ANKS3: variants seen among roughly 807,000 people sequenced by gnomAD.
The protein encoded by ANKS3 is ankyrin repeat and sterile alpha motif domain containing 3.
In ANKS3, 62 loss-of-function variants were observed where a neutral mutation model predicts 80.7. That is an observed-to-expected ratio of 0.77 (90% CI 0.63 to 0.95). The LOEUF (loss-of-function observed/expected upper bound fraction) is 0.95. Among genes scored for constraint, ANKS3 ranks in the 40% least tolerant of loss-of-function variants. The pLI, the probability that ANKS3 is intolerant of heterozygous loss-of-function variation, is 0.00. For missense variants in ANKS3, 1,150 were observed against 883.6 expected (o/e 1.30, Z -3.82); for synonymous variants, 489 against 355.3 (o/e 1.38, Z -4.23).
chr16:4,701,564 C>T (rs753667520), intron 9 of ANKS3, 21 bp from the exon 10 acceptor site: 11 of 1,593,082 alleles, frequency 6.9e-6, no homozygotes, highest in South Asian at 3.3e-5. Context: ...GAAGACAGGG[C>T]GTCCGCCTGC....
intron 15 of ANKS3, among the ~76,000 whole-genome samples, chr16:4,697,653 C>T (rs905815579): frequency 2.0e-5 from 3 of 152,232 alleles, no homozygotes; most frequent in East Asian, 1.9e-4. Context: ...AAAGCTCTGC[C>T]GGTGGGGACC....
chr16:4,709,128 CG>C (rs771549086), intron 7 of ANKS3, among the ~76,000 whole-genome samples: 6 of 151,228 alleles, frequency 4.0e-5, no homozygotes, highest in Non-Finnish European at 5.9e-5. Context: ...AAATTTTTGC[CG>C]GGTGCAGCGG....
intron 10 of ANKS3, 100 bp downstream of exon 10, chr16:4,701,334 G>A: frequency 1.5e-6 from 2 of 1,347,794 alleles, no homozygotes; most frequent in Non-Finnish European, 2.0e-6. Context: ...ACGTGCAGCA[G>A]CTGCTTCTTA....
intron 5 of ANKS3, 61 bp downstream of exon 5, chr16:4,726,598 C>A: frequency 1.6e-5 from 25 of 1,571,488 alleles, no homozygotes; most frequent in Non-Finnish European, 2.1e-5. Flanking sequence ...CCAGAGCCAC[C>A]CTCCTTAGAG....
intron 7 of ANKS3, among the ~76,000 whole-genome samples, chr16:4,709,532 G>C (rs1219487679): frequency 1.3e-5 from 2 of 152,166 alleles, no homozygotes; most frequent in Non-Finnish European, 2.9e-5. Context: ...TACTGCCGCA[G>C]TATTCACAGT....
At position 4,721,625 on chromosome 16, in the gene ANKS3, G is replaced by GATTTATTTATTTATTT. The variant is rs55661418; in HGVS notation, c.573+3109_573+3124dup. On this transcript the variant is annotated intron_variant, in intron 6 of 17. Transcript: ENST00000304283. ...GACCCCATCTCTTTATTGATTTATT[G>GATTTATTTATTTATTT]ATTTATTTATTTATTTATTTATTTA... Among the ~76,000 whole-genome samples the GATTTATTTATTTATTT allele has an allele frequency of 2.8e-4, 40 of 145,406 alleles. 1 individual carries two copies. The highest frequency in any genetic ancestry group is 1.2e-4 in the Non-Finnish European group (8 of 65,972).
At chr16:4,702,917 C>T (rs1011253238) in intron 8 of ANKS3, among the ~76,000 whole-genome samples, 4 of 152,186 alleles carry the variant, frequency 2.6e-5, no homozygotes, top group Admixed American at 6.5e-5. Context: ...ACAGGAGGAT[C>T]GCTTGAGCTC....
intron 8 of ANKS3, among the ~76,000 whole-genome samples, chr16:4,703,646 CTT>C (rs1372000007): frequency 6.6e-6 from 1 of 150,574 alleles, no homozygotes; most frequent in Non-Finnish European, 1.5e-5. Context: ...GTCTGGATCT[CTT>C]GATCCACCTG....
At chr16:4,724,439 C>G (rs1256659518) in intron 6 of ANKS3, among the ~76,000 whole-genome samples, 2 of 152,228 alleles carry the variant, frequency 1.3e-5, no homozygotes, top group East Asian at 3.9e-4. Flanking sequence ...GGATCTCTGC[C>G]TTCTTATTCT....
Position 4,702,198 on chromosome 16 carries a change from C to T in ANKS3, c.913G>A (p.Glu305Lys), listed in dbSNP as rs200063628. Residue 305 changes from glutamate to lysine, a missense_variant, in exon 9 of 18, where the codon GAG becomes AAG. Transcript: ENST00000304283. ...AGGCCCTCTTCTTCCAGGGGGTTCT[C>T]GCCACTGCTGTTGAAGGTGACATAG... The part of the protein sequence containing the change: ...RGYVTFNSSG[E>K]NPLEEEGLCC... 1.6e-5 allele frequency: 25 copies of T among 1,591,746 alleles called. No individual in the cohort carries two copies. Among genetic ancestry groups the T allele is most frequent in the Non-Finnish European group, 2.0e-5 (23 of 1,169,308 alleles).
rs568602227 is a variant in ANKS3, at chr16:4,734,097, G to A, written c.-230C>T. The stretch of plus-strand genomic sequence containing the variant: ...GTGCAGCGCGGGACGCCCGAGCGCC[G>A]GGTCTAGGCGGGCTGCAGGTGCCGG... On this transcript the variant is annotated 5_prime_UTR_variant, in exon 1 of 18. Transcript: ENST00000304283. 154 of 909,666 alleles carry A rather than the reference G, an allele frequency of 1.7e-4. 2 individuals carry two copies. In the African/African-American group the frequency reaches 2.6e-3, roughly 15 times the overall value. 56.3% of individuals were successfully genotyped at this position (909,666 alleles called of 1,614,324 possible).
At chr16:4,720,937 A>T (rs1024087625) in intron 6 of ANKS3, among the ~76,000 whole-genome samples, 2 of 149,846 alleles carry the variant, frequency 1.3e-5, no homozygotes, top group Non-Finnish European at 3.0e-5. Context: ...ACTCCATCTC[A>T]AAACAAACAA....
intron 3 of ANKS3, among the ~76,000 whole-genome samples, chr16:4,728,805 G>A (rs2081484401): frequency 6.6e-6 from 1 of 152,172 alleles, no homozygotes; most frequent in Non-Finnish European, 1.5e-5. Flanking sequence ...ACCCTTTGAG[G>A]GGCCGTACTG....
chr16:4,727,436 C>CA, intron 3 of ANKS3: 1 of 552,402 alleles, frequency 1.8e-6, no homozygotes, highest in Non-Finnish European at 3.3e-6. Context: ...TATGCTCTTT[C>CA]ACACCACCAG....
chr16:4,700,633 G>C (rs1039163292), intron 11 of ANKS3: 8 of 415,372 alleles, frequency 1.9e-5, no homozygotes, highest in Admixed American at 1.4e-4. Flanking sequence ...ACTGTGTGTA[G>C]TTCCTGTCTC....
At chr16:4,726,846 G>C (rs2081379334) in intron 4 of ANKS3, 66 bp from the exon 5 acceptor site, 6 of 1,598,010 alleles carry the variant, frequency 3.8e-6, no homozygotes, top group Non-Finnish European at 5.1e-6. Flanking sequence ...CGCCCTCCAG[G>C]CGGCCATGCT....
chr16:4,706,724 T>C (rs534248691), intron 7 of ANKS3, among the ~76,000 whole-genome samples: 17 of 152,218 alleles, frequency 1.1e-4, no homozygotes, highest in Admixed American at 3.3e-4. Flanking sequence ...GTGAGTTGTA[T>C]ACAGGAGGAA....
Position 4,696,577 on chromosome 16 carries a change from G to A in ANKS3, c.*331C>T, listed in dbSNP as rs1168970131. The A allele has an allele frequency of 1.1e-5, 2 of 186,778 alleles. No homozygotes were observed. The highest frequency in any genetic ancestry group is 1.2e-4 in the South Asian group (1 of 8,654). The allele number at this position is 186,778 out of a possible 1,614,324, so 11.6% of individuals were successfully genotyped here. A position where few individuals can be genotyped will look rare whatever the true frequency, so the allele number is the denominator to read the frequency against. ...CAGGTGCCCCAGTCCTCATTCCTAA[G>A]GTCCCACCTCAGTTGGCACCTGTGC... On this transcript the variant is annotated 3_prime_UTR_variant, in exon 18 of 18. Transcript: ENST00000304283.
chr16:4,698,981 A>G (rs552702968), intron 12 of ANKS3, 40 bp from the exon 13 acceptor site: 7 of 1,613,442 alleles, frequency 4.3e-6, no homozygotes, highest in Admixed American at 1.7e-5. Flanking sequence ...TCAGCGTCCC[A>G]AGAGCGCTTA....
Sources: allele counts gnomAD v4.1 joint callset (sites outside exome capture counted in the v4.1 genomes callset), GRCh38; gene constraint gnomAD v4.1.1; transcripts MANE v1.5; gene names NCBI Gene and HGNC (gene_info 2026-07-23, HGNC 2026-07-21).